Variants in MAP2K6 observed in about 807,000 individuals in gnomAD.
The protein encoded by MAP2K6 is mitogen-activated protein kinase kinase 6.
Under a neutral mutation model 53.7 loss-of-function variants are expected in MAP2K6, and 16 were observed. The ratio of observed to expected loss-of-function variants is 0.30; its 90% CI spans 0.20 to 0.45. The LOEUF is 0.45. Ranked by LOEUF, MAP2K6 falls within the 20% of genes least tolerant of loss-of-function variation. The pLI is 1.00. For synonymous variants in MAP2K6, 132 were observed against 143.1 expected, an observed-to-expected ratio of 0.92 and a Z score of 0.55; for missense variants, 204 against 411.9, an observed-to-expected ratio of 0.50 and a Z score of 4.37.
intron 1 of MAP2K6, among the ~76,000 whole-genome samples, chr17:69,489,728 TC>T (rs1908672336): frequency 6.6e-6 from 1 of 152,230 alleles, no homozygotes; most frequent in Non-Finnish European, 1.5e-5. Flanking sequence ...AGATTAGCGT[TC>T]TCTTTTTAGA....
At chr17:69,469,724 C>G (rs1217084575) in intron 1 of MAP2K6, among the ~76,000 whole-genome samples, 1 of 152,144 alleles carries the variant, frequency 6.6e-6, no homozygotes, top group Non-Finnish European at 1.5e-5. Flanking sequence ...GATCGCTCCA[C>G]TGCACCCCAG....
chr17:69,552,996 AT>A lies in MAP2K6; in HGVS notation c.*11244del, dbSNP rs532604201. ...TTAAGTTTTGTTAGTGTTCCCAGAA[AT>A]ATACTGAATTGAGGGATAATGTAGC... On this transcript the variant is annotated 3_prime_UTR_variant, in exon 12 of 12. Coordinates refer to ENST00000590474, the MANE Select transcript of MAP2K6 (RefSeq NM_002758.4). The A allele has an allele frequency of 6.6e-6, 1 of 152,322 alleles. No individual in the cohort carries two copies. The highest frequency in any genetic ancestry group is 2.1e-4 in the South Asian group (1 of 4,826). The allele number at this position is 152,322 out of a possible 1,614,324, so 9.4% of individuals were successfully genotyped here. A position where few individuals can be genotyped will look rare whatever the true frequency, so the allele number is the denominator to read the frequency against.
intron 1 of MAP2K6, among the ~76,000 whole-genome samples, chr17:69,438,113 G>A (rs753622078): frequency 6.6e-6 from 1 of 152,264 alleles, no homozygotes; most frequent in Non-Finnish European, 1.5e-5. Flanking sequence ...TCTCAGGGAT[G>A]AGGAAACCTT....
intron 10 of MAP2K6, among the ~76,000 whole-genome samples, chr17:69,529,596 C>T (rs1263230327): frequency 2.0e-5 from 3 of 150,860 alleles, no homozygotes; most frequent in African/African-American, 4.9e-5. Flanking sequence ...CTGCAAGCTC[C>T]GCCTCCTGGG....
chr17:69,527,174 TAAAG>T (rs1910820775), intron 10 of MAP2K6, among the ~76,000 whole-genome samples: 1 of 152,166 alleles, frequency 6.6e-6, no homozygotes, highest in Non-Finnish European at 1.5e-5. Context: ...GATTAAAGCA[TAAAG>T]AGAAAGCTGA....
intron 1 of MAP2K6, among the ~76,000 whole-genome samples, chr17:69,487,032 G>A (rs373195022): frequency 8.5e-5 from 13 of 152,284 alleles, no homozygotes; most frequent in African/African-American, 1.7e-4. Flanking sequence ...GACCTGGGTC[G>A]TGTCAAAACA....
chr17:69,463,967 C>T (rs928534049), intron 1 of MAP2K6, among the ~76,000 whole-genome samples: 1 of 151,846 alleles, frequency 6.6e-6, no homozygotes, highest in Non-Finnish European at 1.5e-5. Flanking sequence ...TGCAGCGAGC[C>T]GAGATTGCGC....
intron 1 of MAP2K6, among the ~76,000 whole-genome samples, chr17:69,482,933 A>G (rs1360350313): frequency 6.6e-6 from 1 of 152,016 alleles, no homozygotes; most frequent in Admixed American, 6.6e-5. Flanking sequence ...AGGAGATGGC[A>G]GTAGTTTCCA....
intron 1 of MAP2K6, among the ~76,000 whole-genome samples, chr17:69,474,006 C>A (rs139632727): frequency 2.6e-4 from 39 of 152,278 alleles, no homozygotes; most frequent in African/African-American, 9.1e-4. Flanking sequence ...CCAAAGCATG[C>A]AAATAAATGC....
At chr17:69,534,597 C>T (rs1911262730) in intron 10 of MAP2K6, among the ~76,000 whole-genome samples, 1 of 151,218 alleles carries the variant, frequency 6.6e-6, no homozygotes. Flanking sequence ...CGTTTTAAAC[C>T]ACAGTTTCTC....
chr17:69,477,009 G>A (rs927334037), intron 1 of MAP2K6: 1 of 152,242 alleles, frequency 6.6e-6, no homozygotes, highest in Non-Finnish European at 1.5e-5. Context: ...GCCACCACTG[G>A]ATCTTCTCAT....
chr17:69,457,439 G>C (rs934017630), intron 1 of MAP2K6, among the ~76,000 whole-genome samples: 8 of 152,190 alleles, frequency 5.3e-5, no homozygotes, highest in Admixed American at 4.6e-4. Flanking sequence ...TTTCATAGGG[G>C]ATCCTCTTCT....
chr17:69,524,222 G>A (rs753864264), intron 8 of MAP2K6, among the ~76,000 whole-genome samples: 8 of 151,916 alleles, frequency 5.3e-5, no homozygotes, highest in Non-Finnish European at 8.8e-5. Flanking sequence ...AAAGAGATAC[G>A]TTATTTGAAA....
chr17:69,443,677 TG>T (rs1906886972), intron 1 of MAP2K6, among the ~76,000 whole-genome samples: 3 of 152,196 alleles, frequency 2.0e-5, no homozygotes, highest in African/African-American at 7.2e-5. Flanking sequence ...AGCTCATCAC[TG>T]GGGTTTAGGG....
chr17:69,541,901 C>T lies in MAP2K6; in HGVS notation c.*148C>T, dbSNP rs1395307191. 1 of 565,858 alleles carries T rather than the reference C, an allele frequency of 1.8e-6. No homozygotes were observed. Among genetic ancestry groups the T allele is most frequent in the East Asian group, 3.2e-5 (1 of 30,860 alleles). The allele number at this position is 565,858 out of a possible 1,614,324, so 35.1% of individuals were successfully genotyped here. A position where few individuals can be genotyped will look rare whatever the true frequency, so the allele number is the denominator to read the frequency against. On this transcript the variant is annotated 3_prime_UTR_variant, in exon 12 of 12. Transcript: ENST00000590474. Reference sequence around the variant, plus strand: ...TTTCTCTCCCAATTTTCTTTTTACTCCCCCTCTTAAGGGGGCCTTGGAATC... The same window carrying T: ...TTTCTCTCCCAATTTTCTTTTTACTTCCCCTCTTAAGGGGGCCTTGGAATC...
rs772260993 is a variant in MAP2K6, at chr17:69,544,024, G to GTT, written c.*2276_*2277dup. ...AATTGGTGTTTTTTTGTTTTGTTTT[G>GTT]TTTTTTACACACCTTCATGTGATTC... On this transcript the variant is annotated 3_prime_UTR_variant, in exon 12 of 12. Transcript: ENST00000590474. 4.0e-4 allele frequency: 61 copies of GTT among 152,052 alleles called. No homozygotes were observed. Among genetic ancestry groups the GTT allele is most frequent in the Non-Finnish European group, 7.1e-4 (48 of 67,998 alleles). 9.4% of individuals were successfully genotyped at this position (152,052 alleles called of 1,614,324 possible).
intron 1 of MAP2K6, chr17:69,433,950 G>A (rs1349509275): frequency 6.6e-6 from 1 of 152,274 alleles, no homozygotes; most frequent in Non-Finnish European, 1.5e-5. Flanking sequence ...GGCATTGATT[G>A]CTTGACTTCA....
intron 1 of MAP2K6, among the ~76,000 whole-genome samples, chr17:69,437,347 AG>A (rs1445967429): frequency 6.6e-6 from 1 of 152,198 alleles, no homozygotes; most frequent in African/African-American, 2.4e-5. Flanking sequence ...ATCATCATAA[AG>A]GTTTTCATCC....
intron 1 of MAP2K6, among the ~76,000 whole-genome samples, chr17:69,425,958 A>G (rs1323767368): frequency 6.6e-6 from 1 of 151,852 alleles, no homozygotes; most frequent in East Asian, 1.9e-4. Flanking sequence ...TACCCGAAAC[A>G]CCTTTGCCAT....
Sources: allele counts gnomAD v4.1 joint callset (sites outside exome capture counted in the v4.1 genomes callset), GRCh38; gene constraint gnomAD v4.1.1; transcripts MANE v1.5; gene names NCBI Gene and HGNC (gene_info 2026-07-23, HGNC 2026-07-21).